BPIFB4: variants seen among roughly 807,000 people sequenced by gnomAD.
BPIFB4 encodes the protein BPI fold containing family B member 4.
Under a neutral mutation model 69.2 loss-of-function variants are expected in BPIFB4, and 62 were observed. The observed-to-expected ratio is 0.90, with a 90% CI of 0.73 to 1.11. The LOEUF is 1.11. BPIFB4 is among the 50% of genes least tolerant of loss of function. BPIFB4 has a pLI of 0.00. For missense variants in BPIFB4, 789 were observed against 792.0 expected (o/e 1.00, Z 0.04); for synonymous variants, 330 against 332.7 (o/e 0.99, Z 0.09).
intron 14 of BPIFB4, 120 bp from the exon 15 acceptor site, chr20:33,102,852 C>G: frequency 2.0e-6 from 2 of 1,014,656 alleles, no homozygotes; most frequent in South Asian, 2.7e-5. Context: ...TATTAAATCC[C>G]TGCAGGTGGA....
intron 3 of BPIFB4, 71 bp from the exon 4 acceptor site, chr20:33,082,867 G>A (rs1981275366): frequency 6.8e-6 from 10 of 1,461,982 alleles, no homozygotes; most frequent in Admixed American, 1.7e-5. Context: ...GCAACACTGC[G>A]AGGTGCTGCC....
chr20:33,084,916 C>T lies in BPIFB4; in HGVS notation c.702C>T (p.Leu234=). ...ITGLRIVELT[L]PRVSVRLLPG... Reference sequence around the variant, plus strand: ...GGCTGCGTATCGTGGAGCTGACCCTCCCTCGGGTGTCCGTGCGGCTCCTGC... The same window carrying T: ...GGCTGCGTATCGTGGAGCTGACCCTTCCTCGGGTGTCCGTGCGGCTCCTGC... Residue 234 remains leucine, a synonymous_variant, in exon 6 of 18, where the codon CTC becomes CTT. Transcript: ENST00000375483. 6.2e-7 allele frequency: 1 copy of T among 1,609,974 alleles called. No individual in the cohort carries two copies. Among genetic ancestry groups the T allele is most frequent in the South Asian group, 1.1e-5 (1 of 91,040 alleles).
intron 17 of BPIFB4, among the ~76,000 whole-genome samples, chr20:33,109,652 A>ATAT (rs1202961867): frequency 6.6e-6 from 1 of 152,208 alleles, no homozygotes; most frequent in Non-Finnish European, 1.5e-5. Flanking sequence ...ATCAAAATAC[A>ATAT]TATTATTTTA....
At chr20:33,097,524 C>A (rs1981787888) in intron 12 of BPIFB4, 93 bp from the exon 13 acceptor site, 2 of 1,344,984 alleles carry the variant, frequency 1.5e-6, no homozygotes, top group East Asian at 2.3e-5. Context: ...CAACATGAGA[C>A]CCCGGTGCTC....
rs1282020648 is a variant in BPIFB4 at position 33,082,911 on chromosome 20, T to A, written c.107-27T>A. ...GGAGGTGGAAAAAAGGGAGGAACCC[T>A]GGACTGATGCCCTTGCCTCTCTGCA... On this transcript the variant is annotated intron_variant, in intron 3 of 17. Transcript: ENST00000375483. The A allele has an allele frequency of 1.9e-6, 3 of 1,602,460 alleles. No individual in the cohort carries two copies. In the South Asian group the frequency reaches 3.3e-5, roughly 18 times the overall value.
chr20:33,110,785 TCTTA>T lies in BPIFB4; in HGVS notation c.1822-625_1822-622del, dbSNP rs370333568. 1.5e-3 allele frequency among the ~76,000 whole-genome samples: 219 copies of T among 150,864 alleles called. 4 individuals carry two copies. The South Asian group carries it at 0.022, about 15-fold the overall frequency. ...TTTTTTTGGTCTATGGGTTATCATC[TCTTA>T]CTTTTATTATTTATTTTGTTGAAGT... On this transcript the variant is annotated intron_variant, in intron 17 of 17. Coordinates refer to ENST00000375483, the MANE Select transcript of BPIFB4 (RefSeq NM_182519.3).
intron 7 of BPIFB4, 74 bp downstream of exon 7, chr20:33,086,238 A>G: frequency 6.5e-7 from 1 of 1,540,542 alleles, no homozygotes; most frequent in South Asian, 1.1e-5. Context: ...ACATGACGTC[A>G]CCCACCTGCC....
chr20:33,107,441 AAAC>A (rs531344558), intron 16 of BPIFB4, among the ~76,000 whole-genome samples: 185 of 151,782 alleles, frequency 1.2e-3, no homozygotes, highest in African/African-American at 4.2e-3. Flanking sequence ...AAAACAAACA[AAAC>A]AAACAAACAA....
At chr20:33,098,043 CT>C (rs1981805411) in intron 13 of BPIFB4, among the ~76,000 whole-genome samples, 1 of 152,120 alleles carries the variant, frequency 6.6e-6, no homozygotes, top group African/African-American at 2.4e-5. Context: ...TTGGCATTTC[CT>C]TCTGAGCCCC....
intron 14 of BPIFB4, 129 bp downstream of exon 14, chr20:33,100,622 C>T (rs978555412): frequency 1.7e-5 from 13 of 767,290 alleles, no homozygotes; most frequent in African/African-American, 6.9e-5. Context: ...GCAAAGGTGA[C>T]GATGGCTCAT....
intron 14 of BPIFB4, among the ~76,000 whole-genome samples, chr20:33,101,857 C>G (rs984520893): frequency 4.0e-5 from 6 of 151,766 alleles, no homozygotes; most frequent in Admixed American, 1.3e-4. Flanking sequence ...TCCTTTAATT[C>G]TTGATATAAG....
intron 17 of BPIFB4, among the ~76,000 whole-genome samples, chr20:33,108,410 C>CATATAT (rs1265682524): frequency 1.5e-5 from 1 of 68,388 alleles, no homozygotes; most frequent in Non-Finnish European, 3.4e-5. Context: ...AGTATGCATC[C>CATATAT]ATATATATAT....
intron 17 of BPIFB4, among the ~76,000 whole-genome samples, chr20:33,109,647 A>C (rs1419517073): frequency 3.3e-5 from 5 of 152,136 alleles, no homozygotes; most frequent in African/African-American, 1.2e-4. Context: ...TTCATATCAA[A>C]ATACATATTA....
intron 7 of BPIFB4, among the ~76,000 whole-genome samples, chr20:33,086,379 C>T (rs575310575): frequency 2.0e-5 from 3 of 152,336 alleles, no homozygotes; most frequent in Admixed American, 1.3e-4. Flanking sequence ...CACCTTCAAA[C>T]CCAGGATGGG....
intron 7 of BPIFB4, among the ~76,000 whole-genome samples, chr20:33,087,723 C>CA (rs1981473466): frequency 8.1e-6 from 1 of 123,568 alleles, no homozygotes; most frequent in African/African-American, 3.5e-5. Context: ...CCTCAACACA[C>CA]ACACACACAC....
chr20:33,090,888 T>G, intron 10 of BPIFB4, 89 bp downstream of exon 10: 2 of 1,503,912 alleles, frequency 1.3e-6, no homozygotes, highest in Non-Finnish European at 1.8e-6. Flanking sequence ...TTCTGCTGAA[T>G]GCCTGGGAAG....
chr20:33,083,481 A>G lies in BPIFB4; in HGVS notation c.284A>G (p.Asn95Ser), dbSNP rs757446751. ...YQYGHIETND[N>S]TAQLGGKYRY... ...TATGGTCACATTGAGACCAACGACA[A>G]CACTGCTCAGCTGGGGGGCAAATAC... Residue 95 changes from asparagine to serine, a missense_variant, in exon 5 of 18, where the codon AAC becomes AGC. Coordinates refer to ENST00000375483, the MANE Select transcript of BPIFB4 (RefSeq NM_182519.3). The G allele has an allele frequency of 6.2e-7, 1 of 1,613,688 alleles. No individual in the cohort carries two copies. The highest frequency in any genetic ancestry group is 2.2e-5 in the East Asian group (1 of 44,830).
At position 33,107,796 on chromosome 20, in the gene BPIFB4, C is replaced by T. The variant is rs1430289764; in HGVS notation, c.1797C>T (p.Ser599=). Residue 599 remains serine, a synonymous_variant, in exon 17 of 18, where the codon AGC becomes AGT. Coordinates refer to ENST00000375483, the MANE Select transcript of BPIFB4 (RefSeq NM_182519.3). The part of the protein sequence containing the change: ...PLPKILNIDF[S]NADIDVLEDL... The stretch of plus-strand genomic sequence containing the variant: ...CCAAAATCCTCAACATCGACTTTAG[C>T]AATGCAGACATTGACGTGTTGGAGG... The T allele has an allele frequency of 6.2e-7, 1 of 1,614,048 alleles. No homozygotes were observed.
At chr20:33,102,638 G>A (rs1981937967) in intron 14 of BPIFB4, among the ~76,000 whole-genome samples, 1 of 152,206 alleles carries the variant, frequency 6.6e-6, no homozygotes, top group Admixed American at 6.5e-5. Context: ...AGCGCTTTAT[G>A]GGAATATCCC....
Sources: allele counts gnomAD v4.1 joint callset (sites outside exome capture counted in the v4.1 genomes callset), GRCh38; gene constraint gnomAD v4.1.1; transcripts MANE v1.5; gene names NCBI Gene and HGNC (gene_info 2026-07-23, HGNC 2026-07-21).